Variants in GALNT2 observed in about 807,000 individuals in gnomAD.
The protein encoded by GALNT2 is polypeptide N-acetylgalactosaminyltransferase 2.
A neutral mutation model predicts 81.4 loss-of-function variants in GALNT2; 31 were observed. The ratio of observed to expected loss-of-function variants is 0.38; its 90% CI spans 0.29 to 0.51. The LOEUF is 0.51. GALNT2 is among the 20% of genes least tolerant of loss of function. The probability of loss-of-function intolerance (pLI) is 0.87; values close to 1 mark genes in which losing one functional copy is unlikely to be tolerated. For synonymous variants in GALNT2, 303 were observed against 287.4 expected (o/e 1.05, Z -0.55); for missense variants, 629 against 765.7 (o/e 0.82, Z 2.11).
chr1:230,244,191 G>A (rs1006355227), intron 7 of GALNT2, among the ~76,000 whole-genome samples: 4 of 151,946 alleles, frequency 2.6e-5, no homozygotes, highest in Non-Finnish European at 5.9e-5. Context: ...TGTGAGTCAT[G>A]GAATACTAAG....
At chr1:230,256,792 C>T (rs1387071083) in intron 11 of GALNT2, among the ~76,000 whole-genome samples, 1 of 152,138 alleles carries the variant, frequency 6.6e-6, no homozygotes, top group Non-Finnish European at 1.5e-5. Flanking sequence ...GTGTAGACAG[C>T]AAAACACACA....
chr1:230,095,583 C>CTGGCTGTAGAGGGGTTGGT (rs147803071), intron 1 of GALNT2, among the ~76,000 whole-genome samples: 25,988 of 152,042 alleles, frequency 0.17, 2,521 homozygotes, highest in South Asian at 0.27. Context: ...TCTGGGTTGG[C>CTGGCTGTAGAGGGGTTGGT]TGGCTGTAGA....
chr1:230,223,585 C>T (rs1379820495), intron 3 of GALNT2, among the ~76,000 whole-genome samples: 7 of 152,058 alleles, frequency 4.6e-5, no homozygotes, highest in African/African-American at 1.7e-4. Flanking sequence ...TCTCTCCTGC[C>T]TCAGCCTCCC....
chr1:230,129,765 A>G (rs762787033), intron 1 of GALNT2, among the ~76,000 whole-genome samples: 9 of 152,208 alleles, frequency 5.9e-5, no homozygotes, highest in African/African-American at 9.7e-5. Flanking sequence ...GGTATTCTGC[A>G]TGCTGCTGGG....
chr1:230,067,449 C>T (rs1659229620), intron 1 of GALNT2, 43 bp downstream of exon 1: 5 of 794,420 alleles, frequency 6.3e-6, no homozygotes, highest in Non-Finnish European at 8.3e-6. Flanking sequence ...TGCGCCCACC[C>T]CCCACCCTGC....
At chr1:230,156,548 T>C (rs1431151877) in intron 1 of GALNT2, among the ~76,000 whole-genome samples, 1 of 152,250 alleles carries the variant, frequency 6.6e-6, no homozygotes, top group Non-Finnish European at 1.5e-5. Flanking sequence ...TTCAACATGC[T>C]TCCTAGATGC....
chr1:230,165,702 A>T (rs1420503219), intron 1 of GALNT2, among the ~76,000 whole-genome samples: 1 of 152,226 alleles, frequency 6.6e-6, no homozygotes, highest in African/African-American at 2.4e-5. Flanking sequence ...TGGACTTACA[A>T]ATAAGTGGCG....
At chr1:230,060,610 A>G (rs1659023784) in intron 1 of GALNT2, among the ~76,000 whole-genome samples, 1 of 152,052 alleles carries the variant, frequency 6.6e-6, no homozygotes, top group African/African-American at 2.4e-5. Flanking sequence ...AGACCTTGTA[A>G]ATCTCCTCCT....
At chr1:230,176,071 G>T (rs962253420) in intron 1 of GALNT2, among the ~76,000 whole-genome samples, 3 of 152,138 alleles carry the variant, frequency 2.0e-5, no homozygotes, top group Admixed American at 6.5e-5. Context: ...TGTTCCATCT[G>T]CTTGGTACCT....
intron 1 of GALNT2, among the ~76,000 whole-genome samples, chr1:230,145,184 C>A (rs770114917): frequency 9.2e-5 from 14 of 152,176 alleles, no homozygotes; most frequent in Non-Finnish European, 1.6e-4. Context: ...CCTTGGCACC[C>A]CCTCCCCAAC....
chr1:230,144,789 A>C (rs1661862522), intron 1 of GALNT2, among the ~76,000 whole-genome samples: 1 of 152,152 alleles, frequency 6.6e-6, no homozygotes, highest in Admixed American at 6.5e-5. Context: ...GATTAATTAA[A>C]GACTAAGGGA....
intron 1 of GALNT2, among the ~76,000 whole-genome samples, chr1:230,114,836 G>T (rs1262100334): frequency 1.3e-5 from 2 of 152,100 alleles, no homozygotes; most frequent in Admixed American, 6.6e-5. Context: ...TTTTAGAGCA[G>T]TTTTGGGTTC....
chr1:230,101,286 T>G (rs1342479939), intron 1 of GALNT2, among the ~76,000 whole-genome samples: 1 of 152,250 alleles, frequency 6.6e-6, no homozygotes, highest in African/African-American at 2.4e-5. Context: ...GGGTGCCTCA[T>G]TGTAATTCTG....
chr1:230,253,530 A>G (rs1665614880), intron 10 of GALNT2, among the ~76,000 whole-genome samples: 1 of 152,242 alleles, frequency 6.6e-6, no homozygotes, highest in Non-Finnish European at 1.5e-5. Context: ...CTATATGTGT[A>G]TATTTTTACT....
intron 1 of GALNT2, among the ~76,000 whole-genome samples, chr1:230,136,168 G>T (rs1287724155): frequency 6.6e-6 from 1 of 152,198 alleles, no homozygotes; most frequent in African/African-American, 2.4e-5. Flanking sequence ...CTCAGGAGTT[G>T]GAGGGTGACA....
chr1:230,163,895 A>G (rs1229023758), intron 1 of GALNT2, among the ~76,000 whole-genome samples: 1 of 152,160 alleles, frequency 6.6e-6, no homozygotes, highest in Non-Finnish European at 1.5e-5. Context: ...CCACATGGAC[A>G]CGGGGTCAGT....
intron 2 of GALNT2, among the ~76,000 whole-genome samples, chr1:230,184,630 A>G (rs1253877877): frequency 6.6e-6 from 1 of 151,438 alleles, no homozygotes; most frequent in Admixed American, 6.6e-5. Flanking sequence ...TTGCTCCTCT[A>G]TTGATAGGTA....
chr1:230,087,378 G>A (rs1211916754), intron 1 of GALNT2, among the ~76,000 whole-genome samples: 2 of 152,176 alleles, frequency 1.3e-5, no homozygotes, highest in African/African-American at 4.8e-5. Flanking sequence ...AAATTTCAAG[G>A]ACTGCAGGAG....
At chr1:230,068,331 G>A (rs918797154) in intron 1 of GALNT2, among the ~76,000 whole-genome samples, 1 of 152,244 alleles carries the variant, frequency 6.6e-6, no homozygotes, top group Non-Finnish European at 1.5e-5. Flanking sequence ...CGGTCCTGCG[G>A]CCGAGCGCCG....
Sources: allele counts gnomAD v4.1 joint callset (sites outside exome capture counted in the v4.1 genomes callset), GRCh38; gene constraint gnomAD v4.1.1; transcripts MANE v1.5; gene names NCBI Gene and HGNC (gene_info 2026-07-23, HGNC 2026-07-21).